CFH: variants seen among roughly 807,000 people sequenced by gnomAD.
CFH encodes the protein H factor 1 (complement).
A neutral mutation model predicts 147.3 loss-of-function variants in CFH; 53 were observed. The ratio of observed to expected loss-of-function variants is 0.36; its 90% CI spans 0.29 to 0.45. The LOEUF (loss-of-function observed/expected upper bound fraction) is 0.45, where lower values mean the gene tolerates loss of function less well. Ranked by LOEUF, CFH falls within the 20% of genes least tolerant of loss-of-function variation. CFH has a pLI of 1.00. For synonymous variants in CFH, 536 were observed against 489.4 expected (o/e 1.10, Z -1.26); for missense variants, 1,380 against 1,498.0 (o/e 0.92, Z 1.30).
At chr1:196,683,630 T>C (rs1227506881) in intron 6 of CFH, among the ~76,000 whole-genome samples, 1 of 151,212 alleles carries the variant, frequency 6.6e-6, no homozygotes, top group Non-Finnish European at 1.5e-5. Context: ...AGGGAAGGAA[T>C]AAACAATGGT....
chr1:196,675,693 T>G (rs1667429648), intron 3 of CFH, among the ~76,000 whole-genome samples: 1 of 152,092 alleles, frequency 6.6e-6, no homozygotes, highest in Non-Finnish European at 1.5e-5. Flanking sequence ...ATGATTATTT[T>G]CAGTCCATGC....
At chr1:196,677,114 A>G in intron 4 of CFH, 2 of 173,010 alleles carry the variant, frequency 1.2e-5, no homozygotes, top group Non-Finnish European at 2.5e-5. Context: ...GTTTGCTTTT[A>G]CATCTTTTAG....
intron 15 of CFH, among the ~76,000 whole-genome samples, chr1:196,730,138 T>G (rs752012969): frequency 6.6e-6 from 1 of 151,856 alleles, no homozygotes; most frequent in Non-Finnish European, 1.5e-5. Context: ...TTGACTAGTT[T>G]GTTCATGTTT....
At chr1:196,658,671 G>A (rs1351428483) in intron 1 of CFH, among the ~76,000 whole-genome samples, 1 of 151,580 alleles carries the variant, frequency 6.6e-6, no homozygotes, top group African/African-American at 2.4e-5. Flanking sequence ...GTGATCTGCC[G>A]GCCTTGGCCT....
chr1:196,667,589 A>T (rs1006412956), intron 1 of CFH, among the ~76,000 whole-genome samples: 1 of 152,200 alleles, frequency 6.6e-6, no homozygotes, highest in Non-Finnish European at 1.5e-5. Context: ...TTTTATTAAA[A>T]GTAATCATCA....
At chr1:196,736,785 T>G (rs914658427) in intron 15 of CFH, 39 bp from the exon 16 acceptor site, 5 of 1,017,284 alleles carry the variant, frequency 4.9e-6, no homozygotes, top group Non-Finnish European at 6.4e-6. Context: ...ATTTTTTATT[T>G]TTTATTATAA....
intron 15 of CFH, among the ~76,000 whole-genome samples, chr1:196,733,919 G>A (rs1344881646): frequency 6.6e-6 from 1 of 152,030 alleles, no homozygotes; most frequent in African/African-American, 2.4e-5. Flanking sequence ...AGAAACAGGG[G>A]ACTGTTTTTT....
At chr1:196,689,302 A>G in intron 7 of CFH, 118 bp from the exon 8 acceptor site, 1 of 953,244 alleles carries the variant, frequency 1.0e-6, no homozygotes, top group South Asian at 1.6e-5. Flanking sequence ...AGAAACCCTA[A>G]TGGAATGTGT....
intron 19 of CFH, among the ~76,000 whole-genome samples, chr1:196,742,638 AAAT>A (rs1228462810): frequency 6.6e-6 from 1 of 152,172 alleles, no homozygotes; most frequent in Non-Finnish European, 1.5e-5. Flanking sequence ...TTTGAAATGA[AAAT>A]AAAATTCCGT....
chr1:196,745,629 G>A (rs1573085351), intron 20 of CFH, among the ~76,000 whole-genome samples, 188 bp from the exon 21 acceptor site: 2 of 152,166 alleles, frequency 1.3e-5, no homozygotes, highest in East Asian at 1.9e-4. Context: ...CTTTCAGTAC[G>A]GAGAAAAGAA....
intron 11 of CFH, among the ~76,000 whole-genome samples, chr1:196,716,076 G>A (rs1668864013): frequency 6.6e-6 from 1 of 151,640 alleles, no homozygotes; most frequent in African/African-American, 2.4e-5. Flanking sequence ...AATTATAGTT[G>A]GTTACAACTT....
At chr1:196,711,658 A>G (rs1326310706) in intron 9 of CFH, among the ~76,000 whole-genome samples, 5 of 151,940 alleles carry the variant, frequency 3.3e-5, no homozygotes, top group Non-Finnish European at 5.9e-5. Flanking sequence ...CCCCAGAGAT[A>G]GTTTGTTCAG....
intron 13 of CFH, 41 bp from the exon 14 acceptor site, chr1:196,726,720 T>A: frequency 6.2e-7 from 1 of 1,606,452 alleles, no homozygotes; most frequent in Non-Finnish European, 8.5e-7. Flanking sequence ...AACACATACA[T>A]CATGTTTTCA....
Position 196,746,919 on chromosome 1 carries a change from C to A in CFH, c.3494-192C>A, listed in dbSNP as rs420922. 4.6e-5 allele frequency among the ~76,000 whole-genome samples: 7 copies of A among 152,184 alleles called. No individual in the cohort carries two copies. In the South Asian group the frequency reaches 6.2e-4, roughly 14 times the overall value. ...CCCCTAATTCTCATACATTAAACAT[C>A]GAACCTCATTTTCACATCGATTACC... On this transcript the variant is annotated intron_variant, in intron 21 of 21. Transcript: ENST00000367429.
chr1:196,737,685 T>A (rs1260854461), intron 17 of CFH, 25 bp downstream of exon 17: 1 of 1,595,408 alleles, frequency 6.3e-7, no homozygotes, highest in South Asian at 1.1e-5. Flanking sequence ...AATACTCAAT[T>A]TCTGTTTATA....
intron 1 of CFH, among the ~76,000 whole-genome samples, chr1:196,665,427 C>T (rs1573000856): frequency 6.6e-6 from 1 of 150,782 alleles, no homozygotes; most frequent in East Asian, 1.9e-4. Context: ...AATGACATAT[C>T]ATCATATATA....
intron 9 of CFH, among the ~76,000 whole-genome samples, chr1:196,696,835 T>C (rs372883391): frequency 9.2e-5 from 14 of 152,032 alleles, no homozygotes; most frequent in Non-Finnish European, 1.8e-4. Flanking sequence ...GAACAGAGCC[T>C]TCAGAAATAA....
At chr1:196,663,361 C>A (rs900081712) in intron 1 of CFH, among the ~76,000 whole-genome samples, 1 of 152,140 alleles carries the variant, frequency 6.6e-6, no homozygotes, top group Admixed American at 6.5e-5. Context: ...TGCTATTAAG[C>A]TGTCCATTGA....
At chr1:196,696,806 G>T (rs566183813) in intron 9 of CFH, among the ~76,000 whole-genome samples, 2 of 152,036 alleles carry the variant, frequency 1.3e-5, no homozygotes, top group Non-Finnish European at 1.5e-5. Context: ...CCAAAACAGA[G>T]ATGCAGACCA....
Sources: gnomAD v4.1 joint callset for allele counts (sites outside exome capture counted in the v4.1 genomes callset) on GRCh38, gnomAD v4.1.1 for gene constraint, MANE v1.5 for transcripts, NCBI Gene and HGNC (gene_info 2026-07-23, HGNC 2026-07-21) for gene names.